MRC2: variants seen among roughly 807,000 people sequenced by gnomAD.
MRC2 encodes C-type mannose receptor 2.
A neutral mutation model predicts 206.2 loss-of-function variants in MRC2; 84 were observed. The observed-to-expected ratio is 0.41, with a 90% CI of 0.34 to 0.49. The LOEUF (loss-of-function observed/expected upper bound fraction) is 0.49. MRC2 is among the 20% of genes least tolerant of loss of function. MRC2 has a pLI of 0.31. For synonymous variants in MRC2, 798 were observed against 800.0 expected, an observed-to-expected ratio of 1.00 and a Z score of 0.04; for missense variants, 1,676 against 2,001.5, an observed-to-expected ratio of 0.84 and a Z score of 3.10.
intron 1 of MRC2, among the ~76,000 whole-genome samples, chr17:62,635,025 T>C (rs1178623896): frequency 2.0e-5 from 3 of 151,678 alleles, no homozygotes; most frequent in Non-Finnish European, 4.4e-5. Flanking sequence ...GAGACGGGGT[T>C]TTACCATGTT....
chr17:62,654,787 A>G (rs1305433415), intron 1 of MRC2, among the ~76,000 whole-genome samples: 2 of 152,234 alleles, frequency 1.3e-5, no homozygotes, highest in Non-Finnish European at 2.9e-5. Context: ...GAGCACAGGC[A>G]TGTTTCCCAG....
intron 1 of MRC2, 55 bp downstream of exon 1, chr17:62,627,975 G>A: frequency 8.2e-7 from 1 of 1,215,812 alleles, no homozygotes; most frequent in Non-Finnish European, 1.1e-6. Context: ...GAGCGCCGAG[G>A]CGCGGGCCGC....
At position 62,690,937 on chromosome 17, in the gene MRC2, T is replaced by C. The variant is rs2089102650; in HGVS notation, c.4013-12T>C. 2 of 1,586,274 alleles carry C rather than the reference T, an allele frequency of 1.3e-6. No individual in the cohort carries two copies. The highest frequency in any genetic ancestry group is 1.3e-5 in the African/African-American group (1 of 74,172). On this transcript the variant is annotated splice_polypyrimidine_tract_variant and intron_variant, in intron 27 of 29. Transcript: ENST00000303375. ...CCTTGTCCCTGCTCCCTCAGTGCCTTCTTTCCTGCAGGAGGCACTCTGGTC... is the reference window on the plus strand; with the variant it reads ...CCTTGTCCCTGCTCCCTCAGTGCCTCCTTTCCTGCAGGAGGCACTCTGGTC...
At chr17:62,674,262 ATGGCATCGC>A in intron 9 of MRC2, 92 bp downstream of exon 9, 1 of 900,768 alleles carries the variant, frequency 1.1e-6, no homozygotes, top group Admixed American at 2.9e-5. Flanking sequence ...GCTGCCTCGC[ATGGCATCGC>A]CCTCTCGTCG....
chr17:62,666,367 T>G lies in MRC2; in HGVS notation c.695-88T>G. On this transcript the variant is annotated intron_variant, in intron 3 of 29. Coordinates refer to ENST00000303375, the MANE Select transcript of MRC2 (RefSeq NM_006039.5). The surrounding 1 kb of genome is among the most constrained non-coding windows in gnomAD (Gnocchi z 5.0). The stretch of plus-strand genomic sequence containing the variant: ...CAGGGTGAGATACTGCCCCCTCCCC[T>G]ACCTAGTGTAGCCTTTTGGTGGGGG... 1 of 1,594,878 alleles carries G rather than the reference T, an allele frequency of 6.3e-7. No individual in the cohort carries two copies. The highest frequency in any genetic ancestry group is 8.5e-7 in the Non-Finnish European group (1 of 1,172,202).
chr17:62,691,993 A>C, intron 28 of MRC2, 119 bp from the exon 29 acceptor site: 3 of 1,311,286 alleles, frequency 2.3e-6, no homozygotes, highest in Non-Finnish European at 1.1e-6. Flanking sequence ...GGGAGGGGGA[A>C]CTAGAGCCTC....
chr17:62,657,055 G>A (rs1296587380), intron 1 of MRC2, among the ~76,000 whole-genome samples: 2 of 152,188 alleles, frequency 1.3e-5, no homozygotes, highest in African/African-American at 4.8e-5. Context: ...TGTGGCCAAG[G>A]GGATAGACAC....
chr17:62,662,298 T>C (rs2088690702), intron 1 of MRC2, among the ~76,000 whole-genome samples: 1 of 151,848 alleles, frequency 6.6e-6, no homozygotes, highest in South Asian at 2.1e-4. Context: ...GAATGGACTA[T>C]AATAGGATGA....
intron 1 of MRC2, among the ~76,000 whole-genome samples, chr17:62,640,714 T>A (rs2088391137): frequency 6.6e-6 from 1 of 150,416 alleles, no homozygotes; most frequent in Non-Finnish European, 1.5e-5. Context: ...AGACAGAGTC[T>A]CGCTCTGTCG....
At chr17:62,684,505 A>C (rs1425225340) in intron 20 of MRC2, among the ~76,000 whole-genome samples, 2 of 152,166 alleles carry the variant, frequency 1.3e-5, no homozygotes, top group Non-Finnish European at 2.9e-5. Context: ...ACGTTTTTAC[A>C]ACACCCCCTC....
chr17:62,654,288 G>A (rs557695480), intron 1 of MRC2, among the ~76,000 whole-genome samples: 2 of 152,112 alleles, frequency 1.3e-5, no homozygotes, highest in East Asian at 2.0e-4. Context: ...CCAGGTGGTC[G>A]CTGGGCCCTG....
At chr17:62,690,448 A>T in intron 26 of MRC2, 143 bp downstream of exon 26, 1 of 1,346,402 alleles carries the variant, frequency 7.4e-7, no homozygotes. Context: ...TCACATGTGG[A>T]GACCATACAT....
chr17:62,657,346 G>A (rs1271846360), intron 1 of MRC2, among the ~76,000 whole-genome samples: 1 of 152,134 alleles, frequency 6.6e-6, no homozygotes, highest in Non-Finnish European at 1.5e-5. Context: ...CATCATTGTT[G>A]GATGAATGAA....
intron 20 of MRC2, chr17:62,684,139 C>T (rs1017138286): frequency 3.9e-5 from 6 of 152,202 alleles, no homozygotes; most frequent in African/African-American, 1.4e-4. Context: ...TCATGACTCA[C>T]AGGTCTAACG....
At chr17:62,674,830 G>C (rs762799409) in intron 9 of MRC2, among the ~76,000 whole-genome samples, 1 of 152,042 alleles carries the variant, frequency 6.6e-6, no homozygotes, top group African/African-American at 2.4e-5. Context: ...TGATGGGTGC[G>C]GGGAGCTTGC....
chr17:62,650,353 C>T (rs2088541489), intron 1 of MRC2, among the ~76,000 whole-genome samples: 1 of 152,190 alleles, frequency 6.6e-6, no homozygotes, highest in Admixed American at 6.5e-5. Context: ...AACCGGTGAG[C>T]CCACACCCCT....
chr17:62,691,577 C>T (rs565042401), intron 28 of MRC2, among the ~76,000 whole-genome samples: 2 of 152,172 alleles, frequency 1.3e-5, no homozygotes, highest in Admixed American at 6.5e-5. Context: ...CAAGACCAGC[C>T]TGGCCAACAT....
At chr17:62,633,819 T>C (rs2088276425) in intron 1 of MRC2, among the ~76,000 whole-genome samples, 1 of 117,224 alleles carries the variant, frequency 8.5e-6, no homozygotes, top group Non-Finnish European at 1.6e-5. Flanking sequence ...CCAGCCTGAG[T>C]GACAGAGTGA....
intron 1 of MRC2, among the ~76,000 whole-genome samples, chr17:62,630,162 G>A (rs552224027): frequency 6.6e-6 from 1 of 152,324 alleles, no homozygotes; most frequent in East Asian, 1.9e-4. Context: ...TCTGGAAAAA[G>A]AAAATCGTGT....
Sources: gnomAD v4.1 joint callset for allele counts (sites outside exome capture counted in the v4.1 genomes callset) on GRCh38, gnomAD v4.1.1 for gene constraint, Gnocchi (gnomAD v3.1) non-coding constraint, MANE v1.5 for transcripts, NCBI Gene and HGNC (gene_info 2026-07-23, HGNC 2026-07-21) for gene names.